Variants in DNAH14 observed in about 807,000 individuals in gnomAD.
The protein encoded by DNAH14 is axonemal beta dynein heavy chain 14.
In DNAH14, 478 loss-of-function variants were observed where a neutral mutation model predicts 520.9. The observed-to-expected ratio is 0.92, with a 90% CI of 0.85 to 0.99. The LOEUF (loss-of-function observed/expected upper bound fraction) is 0.99. DNAH14 is among the 50% of genes least tolerant of loss of function. The probability of loss-of-function intolerance (pLI) is 0.00; values close to 1 mark genes in which losing one functional copy is unlikely to be tolerated. For synonymous variants in DNAH14, 1,581 were observed against 1,757.2 expected (o/e 0.90, Z 2.51); for missense variants, 4,831 against 5,234.5 (o/e 0.92, Z 2.38).
At chr1:225,314,857 G>T (rs2094438449) in intron 60 of DNAH14, among the ~76,000 whole-genome samples, 1 of 152,104 alleles carries the variant, frequency 6.6e-6, no homozygotes, top group African/African-American at 2.4e-5. Context: ...TTTCTCTCTG[G>T]CTGCCTTTAA....
At chr1:225,373,512 C>T (rs145831045) in intron 77 of DNAH14, among the ~76,000 whole-genome samples, 75 of 149,850 alleles carry the variant, frequency 5.0e-4, no homozygotes, top group African/African-American at 1.7e-3. Context: ...AAGAGGGAGG[C>T]GGAGGTGATA....
Position 225,398,541 on chromosome 1 carries a change from G to T in DNAH14, c.13513G>T (p.Gly4505Ter), listed in dbSNP as rs1415152237. 2 of 1,551,548 alleles carry T rather than the reference G, an allele frequency of 1.3e-6. No homozygotes were observed. The highest frequency in any genetic ancestry group is 2.7e-5 in the African/African-American group (2 of 73,030). The change falls in exon 85 of 86, where the codon GGA (glycine) becomes TGA (stop). Residue 4505 changes from glycine to a stop codon, truncating the protein, a stop_gained. Transcript: ENST00000682510. LOFTEE classifies it high-confidence loss of function. ...AFKGSASSHTGVYIFGLFIEG... is the reference protein window; with the variant it reads ...AFKGSASSHT ...TTAGGGCTCAGCTTCCTCTCACACT[G>T]GAGTTTACATTTTTGGTTTATTCAT...
Position 225,152,889 on chromosome 1 carries a change from T to C in DNAH14, c.5196+6T>C. The C allele has an allele frequency of 6.5e-7, 1 of 1,543,538 alleles. No individual in the cohort carries two copies. Among genetic ancestry groups the C allele is most frequent in the Non-Finnish European group, 8.7e-7 (1 of 1,145,164 alleles). ...GCAAACAGCTCTCACAACAGGTAAA[T>C]AGCTACTTTTCTCAAAATATTTAAA... On this transcript the variant is annotated splice_donor_region_variant and intron_variant, in intron 33 of 85. Coordinates refer to ENST00000682510, the MANE Select transcript of DNAH14 (RefSeq NM_001367479.1).
At chr1:225,172,352 A>G (rs538964458) in intron 36 of DNAH14, among the ~76,000 whole-genome samples, 8 of 152,316 alleles carry the variant, frequency 5.3e-5, no homozygotes, top group African/African-American at 1.4e-4. Context: ...ATGATTGTAT[A>G]TCTAGAAAAC....
chr1:225,166,390 G>A (rs969695308), intron 35 of DNAH14, among the ~76,000 whole-genome samples: 4 of 152,140 alleles, frequency 2.6e-5, no homozygotes, highest in Non-Finnish European at 4.4e-5. Context: ...TATGCCAGCT[G>A]TCAACTGTTT....
At chr1:225,071,416 C>T (rs3105575) in intron 17 of DNAH14, among the ~76,000 whole-genome samples, 141,090 of 152,188 alleles carry the variant, frequency 0.93, 65,621 homozygotes, top group Non-Finnish European at 0.96. Flanking sequence ...CTGAAAAGGG[C>T]CTTATTTCTC....
In DNAH14 at chr1:225,374,560, C is replaced by G. The variant is rs2150693781; in HGVS notation, c.12319-128C>G. 5.6e-6 allele frequency: 5 copies of G among 894,874 alleles called. No homozygotes were observed. In the South Asian group the frequency reaches 1.2e-4, roughly 22 times the overall value. The allele number at this position is 894,874 out of a possible 1,614,324, so 55.4% of individuals were successfully genotyped here. ...ACAGGCGTGAGCCACTGCACCTGGCCTATTTCTATATATTTTTTAAAGAGA... is the reference window on the plus strand; with the variant it reads ...ACAGGCGTGAGCCACTGCACCTGGCGTATTTCTATATATTTTTTAAAGAGA... On this transcript the variant is annotated intron_variant, in intron 77 of 85. Coordinates refer to ENST00000682510, the MANE Select transcript of DNAH14 (RefSeq NM_001367479.1).
intron 10 of DNAH14, among the ~76,000 whole-genome samples, chr1:225,022,889 A>G (rs1176823732): frequency 6.6e-6 from 1 of 152,226 alleles, no homozygotes; most frequent in African/African-American, 2.4e-5. Flanking sequence ...TGGTACATAT[A>G]CACTATGGAA....
rs776614941 is a variant in DNAH14 at position 225,140,951 on chromosome 1, C to T, written c.4438C>T (p.His1480Tyr). Residue 1480 changes from histidine to tyrosine, a missense_variant, in exon 28 of 86, where the codon CAC (histidine) becomes TAC (tyrosine). Transcript: ENST00000682510. ...ILGALLILYV[H>Y]CRDIVINLLL... ...AGGGGCATTGCTTATCCTTTATGTTCACTGCAGAGATATAGTGATAAATTT... is the reference window on the plus strand; with the variant it reads ...AGGGGCATTGCTTATCCTTTATGTTTACTGCAGAGATATAGTGATAAATTT... 8.6e-5 allele frequency: 134 copies of T among 1,551,256 alleles called. No individual in the cohort carries two copies. Among genetic ancestry groups the T allele is most frequent in the Non-Finnish European group, 9.6e-5 (110 of 1,146,880 alleles).
In DNAH14 at chr1:225,038,663, A is replaced by T. The variant is rs761214092; in HGVS notation, c.1359-31A>T. 13 of 1,507,884 alleles carry T rather than the reference A, an allele frequency of 8.6e-6. No homozygotes were observed. The Admixed American group carries it at 1.8e-4, about 21-fold the overall frequency. 93.4% of individuals were successfully genotyped at this position (1,507,884 alleles called of 1,614,324 possible). Reference sequence around the variant, plus strand: ...ATATGTAGATATAAATGATTTTTAAATGATTTTTTTCTTCCCATTTCTTAA... The same window carrying T: ...ATATGTAGATATAAATGATTTTTAATTGATTTTTTTCTTCCCATTTCTTAA... On this transcript the variant is annotated intron_variant, in intron 11 of 85. Transcript: ENST00000682510.
At chr1:225,058,900 T>G (rs2069559988) in intron 17 of DNAH14, among the ~76,000 whole-genome samples, 1 of 152,182 alleles carries the variant, frequency 6.6e-6, no homozygotes, top group Non-Finnish European at 1.5e-5. Context: ...GAGAGACAGT[T>G]TGTTATAATT....
At chr1:225,086,231 C>T (rs1478963325) in intron 21 of DNAH14, among the ~76,000 whole-genome samples, 4 of 151,848 alleles carry the variant, frequency 2.6e-5, no homozygotes, top group African/African-American at 7.3e-5. Flanking sequence ...CTCCTGGGTT[C>T]ACGCCATTCT....
At chr1:225,206,902 A>C in intron 40 of DNAH14, 66 bp from the exon 41 acceptor site, 1 of 1,316,698 alleles carries the variant, frequency 7.6e-7, no homozygotes, top group Non-Finnish European at 1.0e-6. Context: ...AAAGAGAGTA[A>C]GATAGTAGAA....
At chr1:225,282,339 C>A (rs1322968445) in intron 54 of DNAH14, among the ~76,000 whole-genome samples, 1 of 152,158 alleles carries the variant, frequency 6.6e-6, no homozygotes, top group South Asian at 2.1e-4. Flanking sequence ...AGCCATCAGG[C>A]CCCTTCTTCT....
At chr1:225,140,328 A>G in intron 27 of DNAH14, among the ~76,000 whole-genome samples, 1 of 152,220 alleles carries the variant, frequency 6.6e-6, no homozygotes, top group East Asian at 1.9e-4. Context: ...TCCGTTATGT[A>G]TGACAAGAGT....
chr1:225,392,001 AG>A (rs1363445968), intron 83 of DNAH14, among the ~76,000 whole-genome samples: 1 of 151,982 alleles, frequency 6.6e-6, no homozygotes, highest in Admixed American at 6.6e-5. Flanking sequence ...AGAAATGGAG[AG>A]GGTCTCAGAA....
chr1:225,045,549 C>T (rs1391579332), intron 15 of DNAH14, among the ~76,000 whole-genome samples: 2 of 152,032 alleles, frequency 1.3e-5, no homozygotes, highest in Non-Finnish European at 2.9e-5. Context: ...ACCAGTTGCT[C>T]AGTCTTTCCT....
At chr1:225,386,244 G>C (rs1057125600) in intron 81 of DNAH14, among the ~76,000 whole-genome samples, 1 of 152,180 alleles carries the variant, frequency 6.6e-6, no homozygotes, top group African/African-American at 2.4e-5. Flanking sequence ...ATGGATTAAA[G>C]ACTTAAATGT....
intron 38 of DNAH14, among the ~76,000 whole-genome samples, chr1:225,201,147 A>C (rs2086773787): frequency 1.3e-5 from 2 of 151,860 alleles, no homozygotes; most frequent in South Asian, 4.2e-4. Flanking sequence ...TGCTTGTTCA[A>C]TTCTATTGCT....
Sources: allele counts gnomAD v4.1 joint callset (sites outside exome capture counted in the v4.1 genomes callset), GRCh38; gene constraint gnomAD v4.1.1; transcripts MANE v1.5; gene names NCBI Gene and HGNC (gene_info 2026-07-23, HGNC 2026-07-21).